EXPH5: variants seen among roughly 807,000 people sequenced by gnomAD.
EXPH5 encodes the protein exophilin 5.
EXPH5 carries 42 observed loss-of-function variants against 41.1 expected under a neutral mutation model. The observed-to-expected ratio is 1.02, with a 90% CI of 0.80 to 1.32. EXPH5 has a LOEUF of 1.32. EXPH5 is among the 40% of genes most tolerant of loss of function. The pLI, the probability that EXPH5 is intolerant of heterozygous loss-of-function variation, is 0.00. For missense variants in EXPH5, 2,298 were observed against 2,314.5 expected (o/e 0.99, Z 0.15); for synonymous variants, 798 against 833.5 (o/e 0.96, Z 0.73).
intron 1 of EXPH5, among the ~76,000 whole-genome samples, chr11:108,584,665 A>G (rs1380657777): frequency 6.6e-6 from 1 of 152,218 alleles, no homozygotes; most frequent in Non-Finnish European, 1.5e-5. Flanking sequence ...TTAATGAAGG[A>G]CAGTCTTTCA....
intron 5 of EXPH5, among the ~76,000 whole-genome samples, chr11:108,516,649 A>G (rs1438772262): frequency 1.3e-5 from 2 of 152,226 alleles, no homozygotes; most frequent in Non-Finnish European, 2.9e-5. Context: ...CAGATGCTAA[A>G]GGGATTTAAA....
upstream of EXPH5, among the ~76,000 whole-genome samples, chr11:108,594,946 C>A (rs962513836): frequency 3.9e-5 from 6 of 152,188 alleles, no homozygotes; most frequent in Admixed American, 3.9e-4. Context: ...AACCAGGAAC[C>A]AATTTTGTTC....
At chr11:108,600,676 G>C in the EXPH5 span, among the ~76,000 whole-genome samples, 47 of 151,996 alleles carry the variant, frequency 3.1e-4, no homozygotes, top group African/African-American at 1.1e-3. Flanking sequence ...AATTAATTTT[G>C]GTGTATTTTA....
chr11:108,544,045 G>A (rs1421435109), intron 1 of EXPH5, among the ~76,000 whole-genome samples: 3 of 152,112 alleles, frequency 2.0e-5, no homozygotes, highest in Non-Finnish European at 2.9e-5. Flanking sequence ...CCAAAAGCAG[G>A]CACCACCCTT....
At position 108,507,273 on chromosome 11, in the gene EXPH5, T is replaced by G. The variant is rs1178717390; in HGVS notation, c.*2264A>C. On this transcript the variant is annotated 3_prime_UTR_variant, in exon 6 of 6. Coordinates refer to ENST00000265843, the MANE Select transcript of EXPH5 (RefSeq NM_015065.3). ...GGAACCATGTAAAGTAACCCACGCA[T>G]TTTGCGTCTATGTAAGGGAATGATT... 6.6e-6 allele frequency: 1 copy of G among 152,188 alleles called. No individual in the cohort carries two copies. The allele number at this position is 152,188 out of a possible 1,614,324, so 9.4% of individuals were successfully genotyped here.
Position 108,539,143 on chromosome 11 carries a change from AT to A in EXPH5, c.323del (p.Asn108IlefsTer12). 6.2e-7 allele frequency: 1 copy of A among 1,610,108 alleles called. No homozygotes were observed. The highest frequency in any genetic ancestry group is 1.1e-5 in the South Asian group (1 of 90,128). On this transcript the variant is annotated frameshift_variant, in exon 3 of 6. Coordinates refer to ENST00000265843, the MANE Select transcript of EXPH5 (RefSeq NM_015065.3). LOFTEE classifies it high-confidence loss of function. ...AAGAAAAAGGTGTCGGCTTTTTTTG[AT>A]TAGTTACATTTTTAGATCTTGATGT... ...LPTSRSKNVT[N>X]QKKPTPFSSR... is the part of the protein sequence containing the mutation.
At chr11:108,543,654 A>G (rs142426434) in intron 1 of EXPH5, among the ~76,000 whole-genome samples, 1 of 152,078 alleles carries the variant, frequency 6.6e-6, no homozygotes, top group East Asian at 1.9e-4. Context: ...GCAGATTTGG[A>G]GTTAAAAGGC....
intron 1 of EXPH5, among the ~76,000 whole-genome samples, chr11:108,585,133 A>C (rs1236162838): frequency 6.6e-6 from 1 of 152,234 alleles, no homozygotes; most frequent in Non-Finnish European, 1.5e-5. Context: ...ATGGAAGGCA[A>C]GTAAGCACAT....
chr11:108,583,451 T>G (rs1185190622), intron 1 of EXPH5, among the ~76,000 whole-genome samples: 1 of 151,972 alleles, frequency 6.6e-6, no homozygotes, highest in African/African-American at 2.4e-5. Context: ...TAGAAGTTGA[T>G]GCAGAAAAAG....
Position 108,509,412 on chromosome 11 carries a change from TG to T in EXPH5, c.*124del. ...GGTGTGGAGGAAAAAAAAGGAGATG[TG>T]GGACATTTCAGAGCAGACACTGCCC... On this transcript the variant is annotated 3_prime_UTR_variant, in exon 6 of 6. Transcript: ENST00000265843. 2 of 841,206 alleles carry T rather than the reference TG, an allele frequency of 2.4e-6. No individual in the cohort carries two copies. The highest frequency in any genetic ancestry group is 2.6e-5 in the East Asian group (1 of 38,790). The allele number at this position is 841,206 out of a possible 1,614,324, so 52.1% of individuals were successfully genotyped here.
the EXPH5 span, among the ~76,000 whole-genome samples, chr11:108,606,957 T>C: frequency 6.6e-6 from 1 of 152,180 alleles, no homozygotes; most frequent in Non-Finnish European, 1.5e-5. Flanking sequence ...GGACTTTTCA[T>C]TGTGACCACT....
In EXPH5 at chr11:108,532,367, T is replaced by TATATATATATATA. The variant is rs61454000; in HGVS notation, c.444-4184_444-4183insTATATATATATAT. On this transcript the variant is annotated intron_variant, in intron 3 of 5. Transcript: ENST00000265843. Reference sequence around the variant, plus strand: ...ATATATATATATATATATATATATATTTTTTTTTTTTTTTTTTTTTTTTTT... The same window carrying TATATATATATATA: ...ATATATATATATATATATATATATATATATATATATATATTTTTTTTTTTTTTTTTTTTTTTTT... Among the ~76,000 whole-genome samples the TATATATATATATA allele has an allele frequency of 6.9e-3, 138 of 20,058 alleles. 6 individuals are homozygous for TATATATATATATA. Among genetic ancestry groups the TATATATATATATA allele is most frequent in the South Asian group, 0.011 (4 of 360 alleles). 13.2% of individuals were successfully genotyped at this position (20,058 alleles called of 152,430 possible). A position where few individuals can be genotyped will look rare whatever the true frequency, so the allele number is the denominator to read the frequency against.
At chr11:108,544,849 A>C (rs991246873) in intron 1 of EXPH5, among the ~76,000 whole-genome samples, 3 of 152,222 alleles carry the variant, frequency 2.0e-5, no homozygotes, top group Non-Finnish European at 2.9e-5. Context: ...AAAAATGGAA[A>C]ACACCTGATG....
chr11:108,534,496 A>G (rs961147830), intron 3 of EXPH5, among the ~76,000 whole-genome samples: 1 of 152,146 alleles, frequency 6.6e-6, no homozygotes. Flanking sequence ...AACCTCAGTG[A>G]CCTAGATGAA....
chr11:108,526,233 T>C lies in EXPH5; in HGVS notation c.492+1903A>G, dbSNP rs182034209. On this transcript the variant is annotated intron_variant, in intron 4 of 5. Transcript: ENST00000265843. Reference sequence around the variant, plus strand: ...CCACTCTTCCCAGCCTCTCTCTTACTTTTCATAATAGCTATTCATGGGGAG... The same window carrying C: ...CCACTCTTCCCAGCCTCTCTCTTACCTTTCATAATAGCTATTCATGGGGAG... 6.7e-4 allele frequency among the ~76,000 whole-genome samples: 102 copies of C among 152,256 alleles called. 1 individual carries two copies. The East Asian group carries it at 0.017, about 26-fold the overall frequency.
chr11:108,592,720 G>A (rs2136131440), intron 1 of EXPH5, among the ~76,000 whole-genome samples: 1 of 152,300 alleles, frequency 6.6e-6, no homozygotes, highest in Admixed American at 6.5e-5. Flanking sequence ...GTAAGGTCAA[G>A]GATGAAATTT....
intron 1 of EXPH5, among the ~76,000 whole-genome samples, chr11:108,567,012 G>T (rs1454987656): frequency 6.6e-6 from 1 of 152,170 alleles, no homozygotes. Context: ...TATCAGAAAT[G>T]ATTTCATGCC....
intron 1 of EXPH5, among the ~76,000 whole-genome samples, chr11:108,584,222 T>A (rs2094106969): frequency 6.6e-6 from 1 of 152,150 alleles, no homozygotes; most frequent in Admixed American, 6.5e-5. Context: ...ACACTTATAA[T>A]CCCAGCACTT....
rs1300253049 is a variant in EXPH5, at chr11:108,514,836, G to C, written c.671C>G (p.Ser224Cys). Residue 224 changes from serine (S) to cysteine (C), a missense_variant, in exon 6 of 6, where the codon TCT becomes TGT. Physicochemically the swap from Ser to Cys is moderately radical, Grantham distance 112. Coordinates refer to ENST00000265843, the MANE Select transcript of EXPH5 (RefSeq NM_015065.3). ...TGTTCTGGTATTCACTGAGCTTGCA[G>C]ACTGTTCCTGAGCCAATTTGCTATC... Reference protein sequence around the residue: ...DLDSKLAQEQSASSVNTRTPL... With the variant: ...DLDSKLAQEQCASSVNTRTPL... 1 of 1,533,538 alleles carries C rather than the reference G, an allele frequency of 6.5e-7. No individual in the cohort carries two copies. Among genetic ancestry groups the C allele is most frequent in the South Asian group, 1.3e-5 (1 of 74,182 alleles). 95.0% of individuals were successfully genotyped at this position (1,533,538 alleles called of 1,614,324 possible).
Sources: gnomAD v4.1 joint callset for allele counts (sites outside exome capture counted in the v4.1 genomes callset) on GRCh38, gnomAD v4.1.1 for gene constraint, MANE v1.5 for transcripts, NCBI Gene and HGNC (gene_info 2026-07-23, HGNC 2026-07-21) for gene names.